The following PRH1 variants were observed in gnomAD, a reference collection of about 807,000 sequenced individuals.
PRH1 encodes salivary acidic proline-rich phosphoprotein 1/2.
PRH1 carries 7 observed loss-of-function variants against 7.9 expected under a neutral mutation model. The ratio of observed to expected loss-of-function variants is 0.89; its 90% CI spans 0.50 to 1.67. The LOEUF (loss-of-function observed/expected upper bound fraction) is 1.67. Ranked by LOEUF, PRH1 falls within the 40% of genes most tolerant of loss-of-function variation. PRH1 has a pLI of 0.00. For missense variants in PRH1, 109 were observed against 223.6 expected (o/e 0.49, Z 3.27); for synonymous variants, 45 against 80.8 (o/e 0.56, Z 2.38).
intron 2 of PRH1, chr12:10,908,734 T>G (rs1949845826): frequency 6.2e-7 from 1 of 1,613,804 alleles, no homozygotes; most frequent in African/African-American, 1.3e-5. Context: ...GTAAATGGTG[T>G]TAGACTGAAC....
At chr12:11,052,505 C>T (rs935095677) in intron 1 of PRH1, among the ~76,000 whole-genome samples, 17 of 152,020 alleles carry the variant, frequency 1.1e-4, no homozygotes, top group African/African-American at 4.1e-4. Flanking sequence ...AGTTATCATG[C>T]CTGAAGTTTG....
intron 1 of PRH1, among the ~76,000 whole-genome samples, chr12:10,983,742 A>G (rs1939473489): frequency 6.6e-6 from 1 of 152,210 alleles, no homozygotes; most frequent in Non-Finnish European, 1.5e-5. Flanking sequence ...AAGTCCACGC[A>G]TCTGATGACC....
intron 1 of PRH1, among the ~76,000 whole-genome samples, chr12:11,091,113 C>CATATATATATATATATATATATATATAT (rs1447599116): frequency 1.8e-4 from 1 of 5,664 alleles, no homozygotes; most frequent in African/African-American, 2.6e-4. Context: ...CACACACACA[C>CATATATATATATATATATATATATATAT]ACATATATAT....
intron 1 of PRH1, chr12:11,078,085 A>G: frequency 1.7e-6 from 1 of 580,884 alleles, no homozygotes; most frequent in Non-Finnish European, 3.2e-6. Flanking sequence ...AATTCTGGAG[A>G]CCACCAGAGC....
chr12:10,960,918 A>G (rs1938208198), intron 2 of PRH1, among the ~76,000 whole-genome samples: 1 of 152,174 alleles, frequency 6.6e-6, no homozygotes, highest in Non-Finnish European at 1.5e-5. Context: ...AAAGAGGCAC[A>G]GTGTTTTTTG....
chr12:11,164,337 G>C (rs1690487333), intron 1 of PRH1, among the ~76,000 whole-genome samples: 1 of 152,178 alleles, frequency 6.6e-6, no homozygotes, highest in Non-Finnish European at 1.5e-5. Context: ...TTGGACATCA[G>C]AGCCCCTGAT....
intron 2 of PRH1, among the ~76,000 whole-genome samples, chr12:10,926,085 C>CATATAT (rs1950118698): frequency 6.6e-6 from 1 of 152,110 alleles, no homozygotes; most frequent in Non-Finnish European, 1.5e-5. Context: ...ATTAATAGGT[C>CATATAT]ATCAACATCA....
Position 11,000,451 on chromosome 12 carries a change from T to C in PRH1, c.-125-26730A>G, listed in dbSNP as rs192579025. Reference sequence around the variant, plus strand: ...TTTTCTGTTGAAAATCAGGTTGTCATTTAGAAAGTTGTTCCTTTTAAAATA... The same window carrying C: ...TTTTCTGTTGAAAATCAGGTTGTCACTTAGAAAGTTGTTCCTTTTAAAATA... On this transcript the variant is annotated intron_variant, in intron 1 of 3. Transcript: ENST00000539853. 3.9e-5 allele frequency among the ~76,000 whole-genome samples: 6 copies of C among 152,276 alleles called. No homozygotes were observed. The East Asian group carries it at 1.2e-3, about 29-fold the overall frequency.
chr12:11,029,029 G>A (rs1219316117), intron 1 of PRH1, among the ~76,000 whole-genome samples: 1 of 152,284 alleles, frequency 6.6e-6, no homozygotes, highest in Non-Finnish European at 1.5e-5. Context: ...TCTTGGTGCT[G>A]GTTTCGAGTT....
chr12:11,073,059 G>A (rs74541685), intron 1 of PRH1, among the ~76,000 whole-genome samples: 42,507 of 85,656 alleles, frequency 0.5, 10,056 homozygotes, highest in Non-Finnish European at 0.61. Flanking sequence ...GATAATATTT[G>A]GAAACCTGCA....
chr12:10,906,021 G>A (rs1431381423), intron 2 of PRH1, among the ~76,000 whole-genome samples: 1 of 152,104 alleles, frequency 6.6e-6, no homozygotes, highest in African/African-American at 2.4e-5. Context: ...AACTACAAGA[G>A]AGTTCAGAGA....
At chr12:10,983,409 CAT>C (rs1939451058) in intron 1 of PRH1, among the ~76,000 whole-genome samples, 1 of 152,212 alleles carries the variant, frequency 6.6e-6, no homozygotes, top group Non-Finnish European at 1.5e-5. Flanking sequence ...TGCCCACAAA[CAT>C]ATCCTTCCTC....
rs1237422470 is a variant in PRH1, at chr12:10,881,805, A to G, written c.*18+412T>C. On this transcript the variant is annotated intron_variant, in intron 3 of 3. Coordinates refer to ENST00000543626, the MANE Select transcript of PRH1 (RefSeq NM_001393989.1). Reference sequence around the variant, plus strand: ...ACTAAAAATGAGATACCATTTTACAACTGAAAGTTCAAGGACCACTTAGCA... The same window carrying G: ...ACTAAAAATGAGATACCATTTTACAGCTGAAAGTTCAAGGACCACTTAGCA... Among the ~76,000 whole-genome samples the G allele has an allele frequency of 8.5e-5, 13 of 152,326 alleles. No homozygotes were observed. In the East Asian group the frequency reaches 2.5e-3, roughly 29 times the overall value.
At chr12:11,096,971 C>A (rs189352904) in intron 1 of PRH1, among the ~76,000 whole-genome samples, 1 of 113,136 alleles carries the variant, frequency 8.8e-6, no homozygotes, top group Non-Finnish European at 2.1e-5. Flanking sequence ...CTAATTTTTT[C>A]GTATTTTTAG....
chr12:11,147,598 G>A (rs551719148), intron 1 of PRH1, among the ~76,000 whole-genome samples: 26 of 152,236 alleles, frequency 1.7e-4, no homozygotes, highest in African/African-American at 5.5e-4. Flanking sequence ...TATGCTAATA[G>A]TACCTGTTGA....
chr12:11,059,254 T>C (rs1014165156), intron 1 of PRH1, among the ~76,000 whole-genome samples: 2 of 151,634 alleles, frequency 1.3e-5, no homozygotes, highest in African/African-American at 4.8e-5. Context: ...ACGCATCTGA[T>C]GACCGTCATG....
chr12:10,994,008 C>T (rs747264327), intron 1 of PRH1, among the ~76,000 whole-genome samples: 1 of 152,134 alleles, frequency 6.6e-6, no homozygotes, highest in Non-Finnish European at 1.5e-5. Context: ...TAAGCGTGTG[C>T]GTCTCTAAGC....
chr12:10,906,851 A>G (rs910248870), intron 2 of PRH1, among the ~76,000 whole-genome samples: 2 of 152,156 alleles, frequency 1.3e-5, no homozygotes, highest in Admixed American at 6.5e-5. Context: ...ATGGACTAAT[A>G]CAGAGACTAT....
At chr12:10,996,024 A>G (rs1027467539) in intron 1 of PRH1, among the ~76,000 whole-genome samples, 28 of 152,054 alleles carry the variant, frequency 1.8e-4, no homozygotes, top group Admixed American at 2.0e-4. Flanking sequence ...TTTGCTTTAT[A>G]TTAAACATAA....
Sources: allele counts gnomAD v4.1 joint callset (sites outside exome capture counted in the v4.1 genomes callset), GRCh38; gene constraint gnomAD v4.1.1; transcripts MANE v1.5; gene names NCBI Gene and HGNC (gene_info 2026-07-23, HGNC 2026-07-21).